Variants in PTPN23 observed in about 807,000 individuals in gnomAD.
PTPN23 encodes the protein tyrosine-protein phosphatase non-receptor type 23.
Under a neutral mutation model 156.3 loss-of-function variants are expected in PTPN23, and 72 were observed. That is an observed-to-expected ratio of 0.46 (90% CI 0.38 to 0.56). The LOEUF (loss-of-function observed/expected upper bound fraction) is 0.56, where lower values mean the gene tolerates loss of function less well. PTPN23 is among the 20% of genes least tolerant of loss of function. The pLI is 0.00. For missense variants in PTPN23, 1,974 were observed against 2,171.5 expected (o/e 0.91, Z 1.81); for synonymous variants, 957 against 899.6 (o/e 1.06, Z -1.14).
In PTPN23 at chr3:47,410,733, C is replaced by A; in HGVS notation, c.2935C>A (p.Gln979Lys). 1 of 1,574,272 alleles carries A rather than the reference C, an allele frequency of 6.4e-7. No homozygotes were observed. Among genetic ancestry groups the A allele is most frequent in the Non-Finnish European group, 8.6e-7 (1 of 1,159,504 alleles). Reference protein sequence around the residue: ...PQPPQQPLPLQHPHLFPPQAP... With the variant: ...PQPPQQPLPLKHPHLFPPQAP... ...GCCCCCACAGCAGCCCCTTCCACTC[C>A]AGCATCCACATCTCTTCCCACCCCA... Residue 979 changes from glutamine to lysine, a missense_variant, in exon 20 of 25, where the codon CAG becomes AAG. Physicochemically the swap from Gln to Lys is moderately conservative, Grantham distance 53. This residue lies in a region of PTPN23 where 731 missense variants were observed against 669.1 expected (regional missense o/e 1.09). Transcript: ENST00000265562.
intron 2 of PTPN23, among the ~76,000 whole-genome samples, chr3:47,398,852 G>A (rs549652617): frequency 2.6e-5 from 4 of 152,350 alleles, no homozygotes; most frequent in East Asian, 1.9e-4. Flanking sequence ...GGCATGAGCC[G>A]CAGCACCCGG....
intron 14 of PTPN23, 150 bp downstream of exon 14, chr3:47,408,105 A>T: frequency 1.9e-6 from 2 of 1,043,202 alleles, no homozygotes; most frequent in Non-Finnish European, 1.4e-6. Context: ...TGGTGGGGCT[A>T]GTGTGTAAGG....
In PTPN23 at chr3:47,409,842, T is replaced by C; in HGVS notation, c.2129+8T>C. ...CCAGCAGCTCCTGGACAGGTTTGTGTGGCCCTGGGGCTGTGGTGCGGCTCG... is the reference window on the plus strand; with the variant it reads ...CCAGCAGCTCCTGGACAGGTTTGTGCGGCCCTGGGGCTGTGGTGCGGCTCG... On this transcript the variant is annotated splice_region_variant and intron_variant, in intron 19 of 24. Coordinates refer to ENST00000265562, the MANE Select transcript of PTPN23 (RefSeq NM_015466.4). 1 of 1,609,454 alleles carries C rather than the reference T, an allele frequency of 6.2e-7. No individual in the cohort carries two copies. Among genetic ancestry groups the C allele is most frequent in the South Asian group, 1.1e-5 (1 of 90,372 alleles).
Position 47,410,813 on chromosome 3 carries a change from G to A in PTPN23, c.3015G>A (p.Gly1005=), listed in dbSNP as rs760031288. The change falls in exon 20 of 25, where the codon GGG becomes GGA. Residue 1005 remains glycine, a synonymous_variant. Transcript: ENST00000265562. ...CCTACCCCTATGCCCCTCAGCCTGG[G>A]GTCCTGGGGCAGCCGCCACCCCCCC... is the stretch of plus-strand genomic sequence containing the variant. ...QSPYPYAPQP[G]VLGQPPPPLH... The A allele has an allele frequency of 6.2e-7, 1 of 1,602,298 alleles. No individual in the cohort carries two copies. Among genetic ancestry groups the A allele is most frequent in the Non-Finnish European group, 8.5e-7 (1 of 1,172,032 alleles).
rs1216149205 is a variant in PTPN23 at position 47,404,790 on chromosome 3, C to A, written c.287+11C>A. 6 of 1,612,728 alleles carry A rather than the reference C, an allele frequency of 3.7e-6. No homozygotes were observed. The African/African-American group carries it at 5.3e-5, about 14-fold the overall frequency. ...TGTCCCTGTCACCTGGTGAGAGCCG[C>A]AGGCAGGGCTGGAGGATCCCACGGG... On this transcript the variant is annotated intron_variant, in intron 3 of 24. Transcript: ENST00000265562.
At position 47,406,805 on chromosome 3, in the gene PTPN23, C is replaced by A; in HGVS notation, c.807+55C>A. ...CCAATGGCAGCCTTCAGTGAGATGC[C>A]GGTGTGCTCCCGCTCCTTACACACC... On this transcript the variant is annotated intron_variant, in intron 9 of 24. Transcript: ENST00000265562. The surrounding 1 kb of genome is among the most constrained non-coding windows in gnomAD (Gnocchi z 5.8). 1 of 1,603,926 alleles carries A rather than the reference C, an allele frequency of 6.2e-7. No individual in the cohort carries two copies. Among genetic ancestry groups the A allele is most frequent in the South Asian group, 1.1e-5 (1 of 90,110 alleles).
In PTPN23 at chr3:47,396,174, A is replaced by G; in HGVS notation, c.116A>G (p.Glu39Gly). 1 of 1,613,318 alleles carries G rather than the reference A, an allele frequency of 6.2e-7. No homozygotes were observed. Among genetic ancestry groups the G allele is most frequent in the Non-Finnish European group, 8.5e-7 (1 of 1,179,426 alleles). Reference sequence around the variant, plus strand: ...CTGAAGAATTATGGAGAGAACCCAGAAGCCTACAATGAAGAACTGAAGAAG... The same window carrying G: ...CTGAAGAATTATGGAGAGAACCCAGGAGCCTACAATGAAGAACTGAAGAAG... Reference protein sequence around the residue: ...FVLKNYGENPEAYNEELKKLE... With the variant: ...FVLKNYGENPGAYNEELKKLE... The change falls in exon 2 of 25, where the codon GAA (glutamate) becomes GGA (glycine). Residue 39 changes from glutamate to glycine, a missense_variant. Physicochemically the swap from Glu to Gly is moderately conservative, Grantham distance 98. This residue lies in a region of PTPN23 where 726 missense variants were observed against 929.5 expected (regional missense o/e 0.78). Coordinates refer to ENST00000265562, the MANE Select transcript of PTPN23 (RefSeq NM_015466.4).
intron 15 of PTPN23, 26 bp from the exon 16 acceptor site, chr3:47,408,750 G>T (rs765276687): frequency 6.4e-6 from 10 of 1,557,702 alleles, no homozygotes; most frequent in African/African-American, 4.1e-5. Context: ...TGCCTCAGGG[G>T]CTGCCTGTAC....
chr3:47,402,279 A>T (rs936594513), intron 2 of PTPN23, among the ~76,000 whole-genome samples: 29 of 151,406 alleles, frequency 1.9e-4, no homozygotes. Context: ...CTATTTATTT[A>T]TTATTATTAT....
Position 47,405,953 on chromosome 3 carries a change from C to A in PTPN23, c.453C>A (p.Ala151=). 6.2e-7 allele frequency: 1 copy of A among 1,613,928 alleles called. No homozygotes were observed. The highest frequency in any genetic ancestry group is 8.5e-7 in the Non-Finnish European group (1 of 1,180,006). The part of the protein sequence containing the change: ...KVSCTHFQCA[A]GAFAYLREHF... Reference sequence around the variant, plus strand: ...CCTGTACCCATTTCCAGTGCGCAGCCGGCGCCTTCGCCTACCTACGGGAGC... The same window carrying A: ...CCTGTACCCATTTCCAGTGCGCAGCAGGCGCCTTCGCCTACCTACGGGAGC... The change falls in exon 6 of 25, where the codon GCC becomes GCA. Residue 151 remains alanine (A), a synonymous_variant. Transcript: ENST00000265562. This position sits in a 1 kb window ranked among gnomAD's most constrained non-coding sequence, Gnocchi z 4.7.
At chr3:47,392,045 G>A (rs1205045199) in intron 1 of PTPN23, among the ~76,000 whole-genome samples, 2 of 152,010 alleles carry the variant, frequency 1.3e-5, no homozygotes, top group African/African-American at 4.8e-5. Context: ...ACCACCACAC[G>A]TGGCTAATTC....
At position 47,409,745 on chromosome 3, in the gene PTPN23, A is replaced by C. The variant is rs570452002; in HGVS notation, c.2040A>C (p.Ala680=). The part of the protein sequence containing the change: ...KKSQEGRDFY[A]DLESKVAALL... The stretch of plus-strand genomic sequence containing the variant: ...CGCAGGAGGGCAGGGACTTCTACGC[A>C]GATCTGGAGAGCAAGGTGGCTGCTC... Residue 680 remains alanine (A), a synonymous_variant, in exon 19 of 25, where the codon GCA becomes GCC. Transcript: ENST00000265562. 1.4e-4 allele frequency: 230 copies of C among 1,607,472 alleles called. 5 individuals carry two copies. The South Asian group carries it at 2.5e-3, about 17-fold the overall frequency.
rs1461726979 is a variant in PTPN23 at position 47,410,276 on chromosome 3, C to G, written c.2478C>G (p.Ala826=). The stretch of plus-strand genomic sequence containing the variant: ...GGCCTGCCCTCTACCCAGCCCCTGC[C>G]TACACACCGGAGCTGGGCCTTGTGC... ...APGPALYPAP[A]YTPELGLVPR... is the part of the protein sequence containing the mutation. Residue 826 remains alanine (A), a synonymous_variant, in exon 20 of 25, where the codon GCC becomes GCG. Transcript: ENST00000265562. 2 of 1,608,196 alleles carry G rather than the reference C, an allele frequency of 1.2e-6. No individual in the cohort carries two copies. Among genetic ancestry groups the G allele is most frequent in the Admixed American group, 3.4e-5 (2 of 59,476 alleles).
chr3:47,403,331 C>T (rs1164689339), intron 2 of PTPN23, among the ~76,000 whole-genome samples: 2 of 152,102 alleles, frequency 1.3e-5, no homozygotes, highest in Non-Finnish European at 2.9e-5. Context: ...GGATTACAGG[C>T]GTGAGCCACT....
At chr3:47,388,643 G>A (rs1704702868) in intron 1 of PTPN23, among the ~76,000 whole-genome samples, 1 of 145,496 alleles carries the variant, frequency 6.9e-6, no homozygotes, top group African/African-American at 2.5e-5. Flanking sequence ...TAGTTACCCT[G>A]TTTTGCTGTC....
rs1576226120 is a variant in PTPN23, at chr3:47,407,177, G to A, written c.855G>A (p.Lys285=). The A allele has an allele frequency of 1.2e-6, 2 of 1,614,048 alleles. No individual in the cohort carries two copies. Among genetic ancestry groups the A allele is most frequent in the East Asian group, 2.2e-5 (1 of 44,878 alleles). The part of the protein sequence containing the change: ...SALDKLNEAI[K]LAKGQPDTVQ... ...TGGACAAGCTCAATGAAGCCATCAA[G>A]TTGGCCAAGGTAAAGCTGAGGAAGG... The change falls in exon 10 of 25, where the codon AAG becomes AAA. Residue 285 remains lysine (K), a synonymous_variant. Transcript: ENST00000265562. This position sits in a 1 kb window ranked among gnomAD's most constrained non-coding sequence, Gnocchi z 4.0.
intron 1 of PTPN23, among the ~76,000 whole-genome samples, chr3:47,394,977 C>G (rs1467130293): frequency 1.3e-5 from 2 of 152,148 alleles, no homozygotes; most frequent in Non-Finnish European, 2.9e-5. Flanking sequence ...CTGAAACCAA[C>G]AGAAGAACCA....
intron 2 of PTPN23, among the ~76,000 whole-genome samples, chr3:47,399,647 A>G (rs1243738769): frequency 6.6e-6 from 1 of 152,166 alleles, no homozygotes; most frequent in Admixed American, 6.5e-5. Flanking sequence ...TGCACAGAGC[A>G]ATGGGCTGGG....
intron 1 of PTPN23, among the ~76,000 whole-genome samples, chr3:47,382,798 C>T (rs570264521): frequency 1.3e-5 from 2 of 149,074 alleles, no homozygotes; most frequent in South Asian, 4.3e-4. Context: ...ACGCCATTCT[C>T]CTGCCTCAGC....
Sources: allele counts gnomAD v4.1 joint callset (sites outside exome capture counted in the v4.1 genomes callset), GRCh38; gene constraint gnomAD v4.1.1; regional missense constraint gnomAD v4.1.1; non-coding constraint Gnocchi (gnomAD v3.1); transcripts MANE v1.5; gene names NCBI Gene and HGNC (gene_info 2026-07-23, HGNC 2026-07-21).